Variants in MYBPHL observed in about 807,000 individuals in gnomAD.
MYBPHL encodes the protein myosin binding protein H like.
MYBPHL carries 32 observed loss-of-function variants against 39.5 expected under a neutral mutation model. The observed-to-expected ratio is 0.81, with a 90% CI of 0.61 to 1.09. The LOEUF is 1.09. Ranked by LOEUF, MYBPHL falls within the 50% of genes least tolerant of loss-of-function variation. The pLI, the probability that MYBPHL is intolerant of heterozygous loss-of-function variation, is 0.00. For missense variants in MYBPHL, 456 were observed against 460.2 expected, an observed-to-expected ratio of 0.99 and a Z score of 0.08; for synonymous variants, 196 against 183.7, an observed-to-expected ratio of 1.07 and a Z score of -0.54.
intron 2 of MYBPHL, 65 bp downstream of exon 2, chr1:109,298,104 T>G: frequency 1.5e-6 from 2 of 1,360,648 alleles, no homozygotes; most frequent in Non-Finnish European, 2.0e-6. Context: ...TCTTGGTATC[T>G]GTTTCCAAAT....
chr1:109,306,831 A>T lies in MYBPHL; in HGVS notation c.145+16T>A. 4 of 1,543,634 alleles carry T rather than the reference A, an allele frequency of 2.6e-6. No individual in the cohort carries two copies. The highest frequency in any genetic ancestry group is 3.5e-6 in the Non-Finnish European group (4 of 1,149,168). ...ACCACCCGGCCTCCCCACCCTCCCC[A>T]CCTGCCATGGGTCACCTTCTATAGG... On this transcript the variant is annotated intron_variant, in intron 1 of 8. Coordinates refer to ENST00000357155, the MANE Select transcript of MYBPHL (RefSeq NM_001010985.3).
At chr1:109,297,678 T>A in intron 2 of MYBPHL, 61 bp from the exon 3 acceptor site, 8 of 1,459,496 alleles carry the variant, frequency 5.5e-6, no homozygotes, top group Non-Finnish European at 6.6e-6. Flanking sequence ...TCCCTGCTGC[T>A]GTAGGGGTCC....
intron 7 of MYBPHL, among the ~76,000 whole-genome samples, 172 bp from the exon 8 acceptor site, chr1:109,294,421 G>A (rs1477572420): frequency 1.3e-5 from 2 of 152,148 alleles, no homozygotes; most frequent in Admixed American, 6.5e-5. Flanking sequence ...ATTCATTCTT[G>A]ATCCATGCAA....
At position 109,297,111 on chromosome 1, in the gene MYBPHL, T is replaced by C; in HGVS notation, c.509A>G (p.Gln170Arg). 6.2e-7 allele frequency: 1 copy of C among 1,614,150 alleles called. No individual in the cohort carries two copies. The highest frequency in any genetic ancestry group is 1.1e-5 in the South Asian group (1 of 91,080). Residue 170 changes from glutamine (Q) to arginine (R), a missense_variant, in exon 4 of 9, where the codon CAA becomes CGA. Gln to Arg is a conservative substitution (Grantham distance 43). Transcript: ENST00000357155. ...FSATLEWTPP[Q>R]DTGNTALLGY... Reference sequence around the variant, plus strand: ...CAGAAGTGCTGTATTCCCCGTATCTTGGGGCGGTGTCCATTCCAGTGTAGC... The same window carrying C: ...CAGAAGTGCTGTATTCCCCGTATCTCGGGGCGGTGTCCATTCCAGTGTAGC...
intron 8 of MYBPHL, chr1:109,292,886 T>C (rs1657915631): frequency 6.6e-6 from 1 of 152,248 alleles, no homozygotes; most frequent in South Asian, 2.1e-4. Flanking sequence ...TTTCGCCTTA[T>C]GCATCACTTT....
chr1:109,303,154 A>G (rs904904236), intron 1 of MYBPHL, among the ~76,000 whole-genome samples: 2 of 152,188 alleles, frequency 1.3e-5, no homozygotes, highest in African/African-American at 2.4e-5. Flanking sequence ...ATTCACTAGT[A>G]TACCTAACTA....
chr1:109,295,779 G>C (rs991716733), intron 6 of MYBPHL, among the ~76,000 whole-genome samples: 11 of 152,324 alleles, frequency 7.2e-5, no homozygotes, highest in Middle Eastern at 3.4e-3. Flanking sequence ...CTTGGTACAG[G>C]TTGTTAATGG....
At chr1:109,294,170 G>A in intron 8 of MYBPHL, 36 bp downstream of exon 8, 1 of 1,351,294 alleles carries the variant, frequency 7.4e-7, no homozygotes, top group South Asian at 1.2e-5. Context: ...TAAACAGGAA[G>A]TAATCCAGTG....
chr1:109,302,940 C>A (rs1414734469), intron 1 of MYBPHL, among the ~76,000 whole-genome samples: 1 of 152,172 alleles, frequency 6.6e-6, no homozygotes, highest in Middle Eastern at 3.2e-3. Context: ...CACATCTGGT[C>A]CCAGGCTTTG....
rs896422019 is a variant in MYBPHL at position 109,296,353 on chromosome 1, T to A, written c.748A>T (p.Lys250Ter). The stretch of plus-strand genomic sequence containing the variant: ...GAGAAGTCTCGTTGGGCAAACCCCT[T>A]GGTCTTGTAAACAGTAGCTGAGGGC... ...IQKAATVYKT[K>*]GFAQRDFSEA... The change falls in exon 6 of 9, where the codon AAG (lysine) becomes TAG (stop). Residue 250 changes from lysine (K) to a stop codon, truncating the protein, a stop_gained. Transcript: ENST00000357155. LOFTEE classifies it high-confidence loss of function. 1 of 1,614,050 alleles carries A rather than the reference T, an allele frequency of 6.2e-7. No individual in the cohort carries two copies.
chr1:109,301,041 G>A (rs970693141), intron 1 of MYBPHL, among the ~76,000 whole-genome samples: 2 of 152,204 alleles, frequency 1.3e-5, no homozygotes, highest in African/African-American at 4.8e-5. Context: ...CAGGTCAGCA[G>A]CATGCTCTCC....
chr1:109,300,440 G>T (rs1658240193), intron 1 of MYBPHL, among the ~76,000 whole-genome samples: 1 of 152,232 alleles, frequency 6.6e-6, no homozygotes. Context: ...AAGGGTTGAG[G>T]TGGGGAGAGG....
At chr1:109,302,860 C>T (rs74544941) in intron 1 of MYBPHL, among the ~76,000 whole-genome samples, 9 of 152,194 alleles carry the variant, frequency 5.9e-5, no homozygotes, top group Admixed American at 2.0e-4. Context: ...AGTGGCTGCC[C>T]GGCCACCTTT....
rs1210494746 is a variant in MYBPHL, at chr1:109,296,239, G to A, written c.862C>T (p.Pro288Ser). Residue 288 changes from proline to serine, a missense_variant, in exon 6 of 9, where the codon CCC becomes TCC. Transcript: ENST00000357155. ...CCCCCAGAGCCCCCACTCACCCGGG[G>A]AGAGGCGCGGACACAGCAGAAGAGC... ...TQLFCCVRAS[P>S]RPKIIWLKNK... The A allele has an allele frequency of 9.3e-6, 15 of 1,613,452 alleles. No homozygotes were observed. The highest frequency in any genetic ancestry group is 1.3e-5 in the Non-Finnish European group (15 of 1,179,948).
chr1:109,296,891 C>T lies in MYBPHL; in HGVS notation c.622G>A (p.Asp208Asn), dbSNP rs1279215275. ...HYHRTSCIVS[D>N]LIIGNSYAFR... ...GCATAGGAGTTGCCGATGATGAGGT[C>T]AGAGACGATGCAGCTGGTGCGGTGA... The change falls in exon 5 of 9, where the codon GAC becomes AAC. Residue 208 changes from aspartate (D) to asparagine (N), a missense_variant. Coordinates refer to ENST00000357155, the MANE Select transcript of MYBPHL (RefSeq NM_001010985.3). The T allele has an allele frequency of 1.9e-6, 3 of 1,614,030 alleles. No individual in the cohort carries two copies.
intron 1 of MYBPHL, among the ~76,000 whole-genome samples, chr1:109,305,917 C>T (rs1658449552): frequency 6.6e-6 from 1 of 152,188 alleles, no homozygotes; most frequent in Non-Finnish European, 1.5e-5. Flanking sequence ...TTTCAACTAC[C>T]CTGATAGGTA....
At position 109,297,057 on chromosome 1, in the gene MYBPHL, T is replaced by A; in HGVS notation, c.563A>T (p.Lys188Ile). The A allele has an allele frequency of 1.2e-6, 2 of 1,614,026 alleles. No individual in the cohort carries two copies. Among genetic ancestry groups the A allele is most frequent in the South Asian group, 1.1e-5 (1 of 91,074 alleles). The change falls in exon 4 of 9, where the codon AAA becomes ATA. Residue 188 changes from lysine (K) to isoleucine (I), a missense_variant. Transcript: ENST00000357155. Reference sequence around the variant, plus strand: ...CTTCCCAGCTGGCCTCACCCCGGATTTTGTGTCAGCCTTCTGCACCGTGTA... The same window carrying A: ...CTTCCCAGCTGGCCTCACCCCGGATATTGTGTCAGCCTTCTGCACCGTGTA... ...LGYTVQKADT[K>I]SGLWFTVLEH...
chr1:109,301,748 A>G (rs1570855702), intron 1 of MYBPHL, among the ~76,000 whole-genome samples: 1 of 50,634 alleles, frequency 2.0e-5, no homozygotes, highest in Admixed American at 2.9e-4. Flanking sequence ...TCTCAAAAAG[A>G]AAAAAAAAAA....
intron 2 of MYBPHL, among the ~76,000 whole-genome samples, 153 bp from the exon 3 acceptor site, chr1:109,297,770 C>T (rs1658137124): frequency 6.6e-6 from 1 of 152,192 alleles, no homozygotes; most frequent in South Asian, 2.1e-4. Flanking sequence ...TCCCGGGGGC[C>T]TCCTCCTTTC....
Sources: allele counts gnomAD v4.1 joint callset (sites outside exome capture counted in the v4.1 genomes callset), GRCh38; gene constraint gnomAD v4.1.1; transcripts MANE v1.5; gene names NCBI Gene and HGNC (gene_info 2026-07-23, HGNC 2026-07-21).